CPVL: variants seen among roughly 807,000 people sequenced by gnomAD.
CPVL encodes the protein probable serine carboxypeptidase CPVL.
In CPVL, 51 loss-of-function variants were observed where a neutral mutation model predicts 63.7. That is an observed-to-expected ratio of 0.80 (90% confidence interval 0.64 to 1.01). The LOEUF (loss-of-function observed/expected upper bound fraction) is 1.01. Among genes scored for constraint, CPVL ranks in the 50% least tolerant of loss-of-function variants. The pLI is 0.00. For synonymous variants in CPVL, 195 were observed against 206.0 expected, an observed-to-expected ratio of 0.95 and a Z score of 0.46; for missense variants, 530 against 573.1, an observed-to-expected ratio of 0.92 and a Z score of 0.77.
intron 2 of CPVL, among the ~76,000 whole-genome samples, chr7:29,113,322 G>A (rs1368954669): frequency 6.6e-6 from 1 of 152,096 alleles, no homozygotes. Context: ...TCTACTAAGA[G>A]GAGTGGGCTG....
Position 29,140,937 on chromosome 7 carries a change from T to C in CPVL, c.-11+5492A>G, listed in dbSNP as rs76637804. On this transcript the variant is annotated intron_variant, in intron 1 of 12. Coordinates refer to ENST00000265394, the MANE Select transcript of CPVL (RefSeq NM_031311.5). ...ATCTTAAGGAGAATGAATGAAGTGA[T>C]TGTTGAACTCAGGGAAGTAGGAAGG... 5.8e-3 allele frequency among the ~76,000 whole-genome samples: 883 copies of C among 152,266 alleles called. 8 individuals carry two copies. The highest frequency in any genetic ancestry group is 0.02 in the African/African-American group (844 of 41,518).
At chr7:29,122,283 G>A (rs191096498) in intron 1 of CPVL, 16 of 152,320 alleles carry the variant, frequency 1.1e-4, no homozygotes, top group African/African-American at 3.9e-4. Context: ...CGGGCCAGTG[G>A]GAATTTATAG....
rs1330663788 is a variant in CPVL at position 29,030,692 on chromosome 7, C to T, written c.1205G>A (p.Gly402Asp). The T allele has an allele frequency of 6.2e-7, 1 of 1,613,812 alleles. No homozygotes were observed. The highest frequency in any genetic ancestry group is 8.5e-7 in the Non-Finnish European group (1 of 1,179,864). Reference protein sequence around the residue: ...AAALTERSLMGMDWKGSQEYK... With the variant: ...AAALTERSLMDMDWKGSQEYK... Reference sequence around the variant, plus strand: ...TTCCTGGGATCCTTTCCAGTCCATGCCCATCAAGGAGCGCTCTGTCAGGGC... The same window carrying T: ...TTCCTGGGATCCTTTCCAGTCCATGTCCATCAAGGAGCGCTCTGTCAGGGC... Residue 402 changes from glycine to aspartate, a missense_variant, in exon 12 of 13, where the codon GGC becomes GAC. Physicochemically the swap from Gly to Asp is moderately conservative, Grantham distance 94 (BLOSUM62 -1). Transcript: ENST00000265394.
chr7:29,000,609 A>G (rs1434235329), intron 12 of CPVL, among the ~76,000 whole-genome samples: 2 of 152,192 alleles, frequency 1.3e-5, no homozygotes, highest in African/African-American at 4.8e-5. Flanking sequence ...GAGACAGATG[A>G]ACAGGCAAAC....
intron 7 of CPVL, among the ~76,000 whole-genome samples, chr7:29,075,231 C>G (rs1784123150): frequency 6.6e-6 from 1 of 152,044 alleles, no homozygotes; most frequent in Non-Finnish European, 1.5e-5. Flanking sequence ...CCCCCAGTGA[C>G]CATCATGTGT....
In CPVL at chr7:29,050,414, A is replaced by T. The variant is rs7809385; in HGVS notation, c.1137+13647T>A. Among the ~76,000 whole-genome samples, 1,448 of 152,240 alleles carry T rather than the reference A, an allele frequency of 9.5e-3. 26 individuals are homozygous for T. Among genetic ancestry groups the T allele is most frequent in the African/African-American group, 0.031 (1,278 of 41,556 alleles). The stretch of plus-strand genomic sequence containing the variant: ...CCCTTTTACGATAGCTGCAAAAAAA[A>T]AAAATAAAATACTTAGGAATACACC... On this transcript the variant is annotated intron_variant, in intron 11 of 12. Transcript: ENST00000265394.
At chr7:29,140,596 C>T (rs1201553542) in intron 1 of CPVL, among the ~76,000 whole-genome samples, 3 of 152,176 alleles carry the variant, frequency 2.0e-5, no homozygotes, top group Non-Finnish European at 4.4e-5. Flanking sequence ...ACCCCATTCA[C>T]AATGCAAATC....
At position 29,172,884 on chromosome 7, in the gene CPVL, G is replaced by A. The variant is rs536854677; in HGVS notation, c.-11+8406C>T. On this transcript the variant is annotated intron_variant, in intron 5 of 16. Coordinates refer to the CPVL transcript ENST00000409850. ...AGGCCGAGTGTGGTAGCTCACCAGC[G>A]TTTTGGGAGGCCGAGGTGGGTGGAT... Among the ~76,000 whole-genome samples the A allele has an allele frequency of 1.0e-3, 158 of 152,016 alleles. 5 individuals are homozygous for A. The highest frequency in any genetic ancestry group is 2.6e-4 in the Non-Finnish European group (18 of 67,982).
intron 11 of CPVL, among the ~76,000 whole-genome samples, chr7:29,053,845 G>A (rs1407830779): frequency 6.8e-6 from 1 of 147,392 alleles, no homozygotes; most frequent in Non-Finnish European, 1.5e-5. Flanking sequence ...TTGAGGCCAG[G>A]AGTTTGACAC....
chr7:29,046,585 ACAC>A (rs1789639578), intron 11 of CPVL, among the ~76,000 whole-genome samples: 1 of 152,014 alleles, frequency 6.6e-6, no homozygotes, highest in South Asian at 2.1e-4. Context: ...ACACACACAC[ACAC>A]ACACATACTC....
At chr7:29,162,677 AAAAG>A (rs1434704761) in intron 5 of CPVL, among the ~76,000 whole-genome samples, 7 of 152,016 alleles carry the variant, frequency 4.6e-5, no homozygotes, top group Non-Finnish European at 4.4e-5. Flanking sequence ...AAAAAAAAAA[AAAAG>A]AACATTATGA....
In CPVL at chr7:29,004,896, C is replaced by CTTTTTT. The variant is rs555443117; in HGVS notation, c.1321-9015_1321-9014insAAAAAA. 4.8e-4 allele frequency among the ~76,000 whole-genome samples: 70 copies of CTTTTTT among 144,850 alleles called. 4 individuals carry two copies. The highest frequency in any genetic ancestry group is 5.1e-4 in the African/African-American group (20 of 39,190). ...TACAAATATGTCTTTTTTTTCTTTT[C>CTTTTTT]TTTTCTTTTTTTTTTTTTGAGACAG... On this transcript the variant is annotated intron_variant, in intron 12 of 12. Coordinates refer to ENST00000265394, the MANE Select transcript of CPVL (RefSeq NM_031311.5).
intron 2 of CPVL, among the ~76,000 whole-genome samples, chr7:29,118,203 C>T (rs573488126): frequency 1.4e-4 from 21 of 152,298 alleles, no homozygotes; most frequent in African/African-American, 4.1e-4. Flanking sequence ...GCACACATCC[C>T]GTTGGGCAAC....
chr7:29,149,314 C>G (rs920961141), upstream of CPVL, among the ~76,000 whole-genome samples: 6 of 151,450 alleles, frequency 4.0e-5, no homozygotes, highest in Non-Finnish European at 7.4e-5. Flanking sequence ...GCTTCAGCCC[C>G]CCGAGTAAGC....
intron 5 of CPVL, among the ~76,000 whole-genome samples, chr7:29,162,343 A>G (rs1172407984): frequency 1.3e-5 from 2 of 152,214 alleles, no homozygotes; most frequent in Admixed American, 6.5e-5. Flanking sequence ...CTACTGATAC[A>G]TGAAACAGCT....
intron 5 of CPVL, among the ~76,000 whole-genome samples, chr7:29,172,882 G>A (rs527637836): frequency 6.6e-6 from 1 of 152,142 alleles, no homozygotes; most frequent in African/African-American, 2.4e-5. Flanking sequence ...TAGCTCACCA[G>A]CGTTTTGGGA....
intron 11 of CPVL, among the ~76,000 whole-genome samples, chr7:29,060,186 C>A (rs1791131968): frequency 1.0e-5 from 1 of 99,686 alleles, no homozygotes; most frequent in African/African-American, 2.8e-5. Flanking sequence ...AAATAAGCAC[C>A]TTCTAACCAT....
rs748586853 is a variant in CPVL, at chr7:29,092,624, T to C, written c.541A>G (p.Ser181Gly). 4 of 1,609,348 alleles carry C rather than the reference T, an allele frequency of 2.5e-6. No homozygotes were observed. Among genetic ancestry groups the C allele is most frequent in the East Asian group, 4.5e-5 (2 of 44,862 alleles). Reference protein sequence around the residue: ...NEDDVARDLYSALIQFFQIFP... With the variant: ...NEDDVARDLYGALIQFFQIFP... Reference sequence around the variant, plus strand: ...CAAGAGAAAGCAGGAGCATTTTACCTGTATAAATCCCGTGCTACATCGTCC... The same window carrying C: ...CAAGAGAAAGCAGGAGCATTTTACCCGTATAAATCCCGTGCTACATCGTCC... The change falls in exon 6 of 13, where the codon AGT becomes GGT. Residue 181 changes from serine to glycine, a missense_variant and splice_region_variant. Coordinates refer to ENST00000265394, the MANE Select transcript of CPVL (RefSeq NM_031311.5).
chr7:29,179,784 A>G lies in CPVL; in HGVS notation c.-11+1506T>C, dbSNP rs560465230. On this transcript the variant is annotated intron_variant, in intron 5 of 16. Transcript: ENST00000409850. ...AGAACTGGACATTTGTGGAGGGGCT[A>G]TATAGCATTTATGAGGTTCATTTGT... 1.1e-4 allele frequency among the ~76,000 whole-genome samples: 17 copies of G among 152,332 alleles called. No individual in the cohort carries two copies. In the South Asian group the frequency reaches 3.5e-3, roughly 32 times the overall value.
Sources: allele counts gnomAD v4.1 joint callset (sites outside exome capture counted in the v4.1 genomes callset), GRCh38; gene constraint gnomAD v4.1.1; transcripts MANE v1.5; gene names NCBI Gene and HGNC (gene_info 2026-07-23, HGNC 2026-07-21).